The following SH3RF3 variants were observed in gnomAD, a reference collection of about 807,000 sequenced individuals.
SH3RF3 encodes E3 ubiquitin-protein ligase SH3RF3.
A neutral mutation model predicts 66.3 loss-of-function variants in SH3RF3; 29 were observed. The ratio of observed to expected loss-of-function variants is 0.44; its 90% CI spans 0.33 to 0.60. SH3RF3 has a LOEUF of 0.60. SH3RF3 is among the 20% of genes least tolerant of loss of function. The pLI, the probability that SH3RF3 is intolerant of heterozygous loss-of-function variation, is 0.04. For missense variants in SH3RF3, 1,194 were observed against 1,190.9 expected (o/e 1.00, Z -0.04); for synonymous variants, 583 against 532.0 (o/e 1.10, Z -1.32).
chr2:109,191,007 G>A (rs1678340511), intron 1 of SH3RF3, among the ~76,000 whole-genome samples: 2 of 151,810 alleles, frequency 1.3e-5, no homozygotes, highest in Non-Finnish European at 2.9e-5. Flanking sequence ...CATTGTTTCT[G>A]TAAAGGGCCA....
chr2:109,279,850 C>T (rs1402563066), intron 1 of SH3RF3, among the ~76,000 whole-genome samples: 3 of 151,842 alleles, frequency 2.0e-5, no homozygotes, highest in Non-Finnish European at 2.9e-5. Flanking sequence ...GGGGCCTGCC[C>T]TGTAGCGAGG....
intron 9 of SH3RF3, among the ~76,000 whole-genome samples, chr2:109,498,788 T>G (rs1177234178): frequency 6.6e-6 from 1 of 151,778 alleles, no homozygotes; most frequent in African/African-American, 2.4e-5. Context: ...GCAGGATGGG[T>G]TGGGTAAACA....
chr2:109,225,894 T>A (rs1332329290), intron 1 of SH3RF3, among the ~76,000 whole-genome samples: 1 of 152,164 alleles, frequency 6.6e-6, no homozygotes, highest in African/African-American at 2.4e-5. Context: ...GCCTCCCGAG[T>A]AGCTGGGACT....
chr2:109,134,839 A>C (rs1676781589), intron 1 of SH3RF3, among the ~76,000 whole-genome samples: 1 of 152,138 alleles, frequency 6.6e-6, no homozygotes, highest in Non-Finnish European at 1.5e-5. Context: ...TGTCTTGTAA[A>C]CCCACAGAGT....
At chr2:109,419,792 G>A (rs1363573796) in intron 5 of SH3RF3, 150 bp downstream of exon 5, 2 of 703,248 alleles carry the variant, frequency 2.8e-6, no homozygotes, top group Non-Finnish European at 4.6e-6. Flanking sequence ...ACCGCTGAAG[G>A]GAGAGTGTGG....
At position 109,248,500 on chromosome 2, in the gene SH3RF3, G is replaced by A. The variant is rs565363128; in HGVS notation, c.574-99174G>A. Among the ~76,000 whole-genome samples the A allele has an allele frequency of 9.2e-5, 14 of 152,324 alleles. 1 individual carries two copies. In the South Asian group the frequency reaches 2.1e-3, roughly 23 times the overall value. On this transcript the variant is annotated intron_variant, in intron 1 of 9. Transcript: ENST00000309415. ...TCATTTATGCAGGCCTGCTCTGCAA[G>A]TGGCATTTTCCAAGTGGAATTAAAT...
intron 1 of SH3RF3, among the ~76,000 whole-genome samples, chr2:109,134,121 A>G (rs1174442405): frequency 1.3e-5 from 2 of 152,342 alleles, no homozygotes; most frequent in East Asian, 1.9e-4. Flanking sequence ...GCACTTTGAC[A>G]TATATCACCT....
chr2:109,487,738 C>G (rs1392679624), intron 8 of SH3RF3, among the ~76,000 whole-genome samples: 3 of 152,058 alleles, frequency 2.0e-5, no homozygotes, highest in Admixed American at 1.3e-4. Flanking sequence ...GCCCTGGGAG[C>G]AAGAATCTGC....
chr2:109,474,969 T>TTTTTG (rs1553528567), intron 8 of SH3RF3, among the ~76,000 whole-genome samples: 3 of 152,048 alleles, frequency 2.0e-5, no homozygotes, highest in African/African-American at 7.2e-5. Flanking sequence ...TTTGGGTTTT[T>TTTTTG]TTTGTTTGTT....
intron 1 of SH3RF3, among the ~76,000 whole-genome samples, chr2:109,132,523 G>C (rs1158926279): frequency 6.6e-6 from 1 of 152,160 alleles, no homozygotes; most frequent in African/African-American, 2.4e-5. Flanking sequence ...AAGCGCTTTT[G>C]TGGAGTCAGT....
At chr2:109,166,413 G>T (rs1025811386) in intron 1 of SH3RF3, among the ~76,000 whole-genome samples, 1 of 151,236 alleles carries the variant, frequency 6.6e-6, no homozygotes, top group Non-Finnish European at 1.5e-5. Context: ...GGAGGCGGAG[G>T]TTGTGGTGAG....
chr2:109,344,516 C>T (rs1559034274), intron 1 of SH3RF3, among the ~76,000 whole-genome samples: 1 of 152,224 alleles, frequency 6.6e-6, no homozygotes, highest in South Asian at 2.1e-4. Context: ...CTCGGATCCC[C>T]TGAGGTCATC....
intron 8 of SH3RF3, among the ~76,000 whole-genome samples, chr2:109,486,775 G>A (rs1678991170): frequency 6.6e-6 from 1 of 152,172 alleles, no homozygotes; most frequent in Non-Finnish European, 1.5e-5. Context: ...GTGGTGGGGA[G>A]GGCCTTCCAG....
chr2:109,285,179 C>A (rs1031910429), intron 1 of SH3RF3, among the ~76,000 whole-genome samples: 2 of 152,216 alleles, frequency 1.3e-5, no homozygotes, highest in African/African-American at 2.4e-5. Flanking sequence ...AAAGAAGGAA[C>A]AAATTGAGCC....
At chr2:109,402,658 C>T (rs1676346440) in intron 4 of SH3RF3, among the ~76,000 whole-genome samples, 1 of 152,214 alleles carries the variant, frequency 6.6e-6, no homozygotes, top group Non-Finnish European at 1.5e-5. Flanking sequence ...TAAAGAACAT[C>T]TTGACTGACA....
At position 109,424,772 on chromosome 2, in the gene SH3RF3, T is replaced by G. The variant is rs548442393; in HGVS notation, c.1403+5130T>G. 2.6e-5 allele frequency among the ~76,000 whole-genome samples: 4 copies of G among 152,258 alleles called. No individual in the cohort carries two copies. In the South Asian group the frequency reaches 8.3e-4, roughly 32 times the overall value. ...GGACCCACCGTTTCCCCCATCTCTC[T>G]TTCTCTCCCCAGGCCTACCTTTTCC... On this transcript the variant is annotated intron_variant, in intron 5 of 9. Coordinates refer to ENST00000309415, the MANE Select transcript of SH3RF3 (RefSeq NM_001099289.3).
At chr2:109,204,635 C>T (rs1012354845) in intron 1 of SH3RF3, among the ~76,000 whole-genome samples, 1 of 152,248 alleles carries the variant, frequency 6.6e-6, no homozygotes, top group African/African-American at 2.4e-5. Flanking sequence ...CCAGGTGTGA[C>T]AACCCACACA....
intron 1 of SH3RF3, among the ~76,000 whole-genome samples, chr2:109,322,424 G>A (rs544067557): frequency 2.0e-5 from 3 of 152,186 alleles, no homozygotes; most frequent in African/African-American, 4.8e-5. Context: ...GAACTAGGAG[G>A]CGGGTGAGTT....
chr2:109,257,077 A>G (rs140883416), intron 1 of SH3RF3, among the ~76,000 whole-genome samples: 92 of 152,234 alleles, frequency 6.0e-4, no homozygotes, highest in Middle Eastern at 3.4e-3. Context: ...GGCACCGTGT[A>G]TTTCAGTGGC....
Sources: gnomAD v4.1 joint callset for allele counts (sites outside exome capture counted in the v4.1 genomes callset) on GRCh38, gnomAD v4.1.1 for gene constraint, MANE v1.5 for transcripts, NCBI Gene and HGNC (gene_info 2026-07-23, HGNC 2026-07-21) for gene names.